The following PINX1 variants were observed in gnomAD, a reference collection of about 807,000 sequenced individuals.
PINX1 encodes PIN2/TERF1-interacting telomerase inhibitor 1.
Under a neutral mutation model 25.4 loss-of-function variants are expected in PINX1, and 34 were observed. The observed-to-expected ratio is 1.34, with a 90% CI of 1.02 to 1.78. The LOEUF (loss-of-function observed/expected upper bound fraction) is 1.78, where lower values mean the gene tolerates loss of function less well. PINX1 is among the 40% of genes most tolerant of loss of function. PINX1 has a pLI of 0.00. For missense variants in PINX1, 592 were observed against 404.9 expected (o/e 1.46, Z -3.97); for synonymous variants, 197 against 147.7 (o/e 1.33, Z -2.42).
chr8:10,809,757 G>A (rs745669679), intron 6 of PINX1, among the ~76,000 whole-genome samples: 15 of 152,358 alleles, frequency 9.8e-5, no homozygotes, highest in Admixed American at 5.2e-4. Flanking sequence ...TAAGGAGCTC[G>A]TCTTTGCTAT....
At chr8:10,770,976 T>C (rs1801203820) in intron 6 of PINX1, among the ~76,000 whole-genome samples, 2 of 152,234 alleles carry the variant, frequency 1.3e-5, no homozygotes, top group Admixed American at 1.3e-4. Flanking sequence ...GTAATGTATT[T>C]AGCAACTGGG....
chr8:10,772,829 C>T (rs1053174967), intron 6 of PINX1, among the ~76,000 whole-genome samples: 3 of 152,122 alleles, frequency 2.0e-5, no homozygotes, highest in Non-Finnish European at 4.4e-5. Flanking sequence ...GGTGTAAGAA[C>T]CTGTGGCATG....
At chr8:10,839,095 A>G (rs1029576687) in intron 1 of PINX1, among the ~76,000 whole-genome samples, 1 of 152,172 alleles carries the variant, frequency 6.6e-6, no homozygotes, top group Non-Finnish European at 1.5e-5. Flanking sequence ...ACAATTCAGA[A>G]GTTCAGCAGC....
chr8:10,766,735 T>C (rs996443803), intron 6 of PINX1, among the ~76,000 whole-genome samples: 3 of 152,236 alleles, frequency 2.0e-5, no homozygotes, highest in African/African-American at 7.2e-5. Flanking sequence ...AATGAGTATA[T>C]CTCATTGTCA....
chr8:10,825,757 G>A (rs1019353369), intron 5 of PINX1, among the ~76,000 whole-genome samples: 4 of 152,162 alleles, frequency 2.6e-5, no homozygotes, highest in Non-Finnish European at 5.9e-5. Flanking sequence ...CTAACCTGGC[G>A]TATTAAAAGC....
At chr8:10,783,895 C>T (rs886310075) in intron 6 of PINX1, among the ~76,000 whole-genome samples, 1 of 152,182 alleles carries the variant, frequency 6.6e-6, no homozygotes, top group African/African-American at 2.4e-5. Context: ...CATTTTAAGA[C>T]ACAGATGACT....
At chr8:10,811,055 T>C (rs1311338742) in intron 6 of PINX1, among the ~76,000 whole-genome samples, 5 of 152,266 alleles carry the variant, frequency 3.3e-5, no homozygotes, top group African/African-American at 9.6e-5. Context: ...GACAGTGGTC[T>C]CAACAGCAGC....
chr8:10,802,731 G>T (rs191976741), intron 6 of PINX1, among the ~76,000 whole-genome samples: 34 of 152,236 alleles, frequency 2.2e-4, no homozygotes, highest in Admixed American at 2.0e-3. Flanking sequence ...CTCTATGAAG[G>T]GAATGTACCA....
intron 2 of PINX1, among the ~76,000 whole-genome samples, chr8:10,833,200 G>A (rs1302343327): frequency 6.6e-6 from 1 of 152,188 alleles, no homozygotes; most frequent in African/African-American, 2.4e-5. Context: ...AAGATCAAGT[G>A]CAAAGACCCG....
At chr8:10,837,628 C>T (rs1798442189) in intron 1 of PINX1, among the ~76,000 whole-genome samples, 1 of 152,188 alleles carries the variant, frequency 6.6e-6, no homozygotes, top group Non-Finnish European at 1.5e-5. Flanking sequence ...ATTTAACCAT[C>T]CTCTAGCAGG....
At chr8:10,806,235 T>C (rs1196739716) in intron 6 of PINX1, among the ~76,000 whole-genome samples, 1 of 151,678 alleles carries the variant, frequency 6.6e-6, no homozygotes, top group Admixed American at 6.6e-5. Context: ...CAGAGCACCA[T>C]CTCCTTCACT....
At chr8:10,780,595 C>T (rs1389876751) in intron 6 of PINX1, among the ~76,000 whole-genome samples, 1 of 151,096 alleles carries the variant, frequency 6.6e-6, no homozygotes, top group African/African-American at 2.4e-5. Context: ...ACCAAGAAAA[C>T]AATCCCATTT....
intron 6 of PINX1, among the ~76,000 whole-genome samples, chr8:10,806,257 GC>G (rs1436266797): frequency 6.6e-6 from 1 of 152,238 alleles, no homozygotes; most frequent in Non-Finnish European, 1.5e-5. Context: ...CACAGTGGGG[GC>G]TTTCTCAACC....
At chr8:10,808,901 G>C (rs1802538530) in intron 6 of PINX1, among the ~76,000 whole-genome samples, 2 of 152,074 alleles carry the variant, frequency 1.3e-5, no homozygotes, top group Admixed American at 1.3e-4. Context: ...AAAAGGAAAA[G>C]TTGGAAAAAA....
chr8:10,789,057 G>T (rs1015105303), intron 6 of PINX1, among the ~76,000 whole-genome samples: 1 of 152,194 alleles, frequency 6.6e-6, no homozygotes, highest in Non-Finnish European at 1.5e-5. Context: ...GCCCAGTACC[G>T]GCTTCCTGCC....
At chr8:10,800,734 T>C (rs1802240157) in intron 6 of PINX1, among the ~76,000 whole-genome samples, 1 of 152,138 alleles carries the variant, frequency 6.6e-6, no homozygotes, top group East Asian at 1.9e-4. Flanking sequence ...CCTCCCAAAG[T>C]GCTGGGATTA....
intron 6 of PINX1, among the ~76,000 whole-genome samples, chr8:10,780,637 C>T (rs1018706030): frequency 4.0e-5 from 6 of 151,620 alleles, no homozygotes; most frequent in East Asian, 1.9e-4. Flanking sequence ...AATCAAAATA[C>T]TTAGGGATAA....
Position 10,765,805 on chromosome 8 carries a change from C to G in PINX1, c.583G>C (p.Val195Leu), listed in dbSNP as rs1403902177. The G allele has an allele frequency of 6.2e-7, 1 of 1,613,856 alleles. No individual in the cohort carries two copies. ...RMAALKNKPQ[V>L]PVPGSDISET... ...GAAATGTCAGACCCTGGAACTGGAACCTGGGGCTTGTTCTTCAGTGCTGCC... is the reference window on the plus strand; with the variant it reads ...GAAATGTCAGACCCTGGAACTGGAAGCTGGGGCTTGTTCTTCAGTGCTGCC... Residue 195 changes from valine (V) to leucine (L), a missense_variant, in exon 7 of 7, where the codon GTT becomes CTT. Val to Leu is a conservative substitution (Grantham distance 32). Transcript: ENST00000314787.
rs1801004372 is a variant in PINX1, at chr8:10,765,525, T to TC, written c.862dup (p.Asp288GlyfsTer66). The TC allele has an allele frequency of 2.5e-6, 4 of 1,613,758 alleles. No individual in the cohort carries two copies. The highest frequency in any genetic ancestry group is 1.6e-4 in the Middle Eastern group (1 of 6,062). ...CCTCTTTTTGGGCTTCAGGGTGAAG[T>TC]CCCGGCCCTCAGGCGGCTGCACATG... On this transcript the variant is annotated frameshift_variant, in exon 7 of 7. Coordinates refer to ENST00000314787, the MANE Select transcript of PINX1 (RefSeq NM_017884.6). LOFTEE classifies it low-confidence loss of function (END_TRUNC).
Sources: gnomAD v4.1 joint callset for allele counts (sites outside exome capture counted in the v4.1 genomes callset) on GRCh38, gnomAD v4.1.1 for gene constraint, MANE v1.5 for transcripts, NCBI Gene and HGNC (gene_info 2026-07-23, HGNC 2026-07-21) for gene names.